Variants in DLG5 observed in about 807,000 individuals in gnomAD.
DLG5 encodes the protein discs large MAGUK scaffold protein 5, also known as disks large homolog 5.
DLG5 carries 48 observed loss-of-function variants against 189.8 expected under a neutral mutation model. The observed-to-expected ratio is 0.25, with a 90% CI of 0.20 to 0.32. The LOEUF (loss-of-function observed/expected upper bound fraction) is 0.32. Among genes scored for constraint, DLG5 ranks in the 10% least tolerant of loss-of-function variants. The probability of loss-of-function intolerance (pLI) is 1.00; values close to 1 mark genes in which losing one functional copy is unlikely to be tolerated. For missense variants in DLG5, 2,160 were observed against 2,544.7 expected, an observed-to-expected ratio of 0.85 and a Z score of 3.25; for synonymous variants, 1,016 against 1,054.1, an observed-to-expected ratio of 0.96 and a Z score of 0.70.
At chr10:77,931,719 C>A (rs1014007057), upstream of DLG5, among the ~76,000 whole-genome samples, 5 of 152,144 alleles carry the variant, frequency 3.3e-5, no homozygotes, top group African/African-American at 4.8e-5. Context: ...TGGCTCCTTT[C>A]TCTCTAAGGT....
intron 8 of DLG5, among the ~76,000 whole-genome samples, chr10:77,835,038 A>T (rs11002308): frequency 0.27 from 41,701 of 151,862 alleles, 6,248 homozygotes; most frequent in Non-Finnish European, 0.34. Context: ...CCAGCCAAGG[A>T]TCAAGCCCAC....
intron 1 of DLG5, among the ~76,000 whole-genome samples, chr10:77,870,404 A>G (rs1844850718): frequency 6.6e-6 from 1 of 152,198 alleles, no homozygotes; most frequent in African/African-American, 2.4e-5. Flanking sequence ...AGCTCCCAGC[A>G]GGGCACGGTG....
chr10:77,869,043 G>A, intron 2 of DLG5, 86 bp downstream of exon 2: 1 of 1,104,456 alleles, frequency 9.1e-7, no homozygotes, highest in South Asian at 1.3e-5. Context: ...GGGAGAACCA[G>A]CTTCCTCTCC....
In DLG5 at chr10:77,792,266, T is replaced by C; in HGVS notation, c.*174A>G. ...CAGAGTGTGTGGGCCTGGGCCTGGA[T>C]CGCACGCAGCCGTGGCCCTCTGTCT... On this transcript the variant is annotated 3_prime_UTR_variant, in exon 32 of 32. Coordinates refer to ENST00000372391, the MANE Select transcript of DLG5 (RefSeq NM_004747.4). The C allele has an allele frequency of 1.5e-6, 1 of 646,100 alleles. No homozygotes were observed. Among genetic ancestry groups the C allele is most frequent in the Non-Finnish European group, 2.7e-6 (1 of 367,180 alleles). The allele number at this position is 646,100 out of a possible 1,614,324, so 40.0% of individuals were successfully genotyped here.
rs780954631 is a variant in DLG5 at position 77,856,883 on chromosome 10, C to G, written c.383G>C (p.Gly128Ala). The G allele has an allele frequency of 6.2e-7, 1 of 1,610,422 alleles. No homozygotes were observed. Among genetic ancestry groups the G allele is most frequent in the South Asian group, 1.1e-5 (1 of 90,674 alleles). The change falls in exon 3 of 32, where the codon GGG (glycine) becomes GCG (alanine). Residue 128 changes from glycine (G) to alanine (A), a missense_variant. This residue lies in a region of DLG5 where 664 missense variants were observed against 838.5 expected (regional missense o/e 0.79). Coordinates refer to ENST00000372391, the MANE Select transcript of DLG5 (RefSeq NM_004747.4). ...GAGGGGTGGTGGGGACGGCGCCTTCCCGGTAGTGCCTGTGGAAGGGGAATA... is the reference window on the plus strand; with the variant it reads ...GAGGGGTGGTGGGGACGGCGCCTTCGCGGTAGTGCCTGTGGAAGGGGAATA... ...SSSLSSVGTT[G>A]KAPSPPPLLT...
chr10:77,891,277 T>C (rs192766394), intron 1 of DLG5, among the ~76,000 whole-genome samples: 96 of 152,342 alleles, frequency 6.3e-4, no homozygotes, highest in Admixed American at 5.7e-3. Flanking sequence ...CTTCGCACTC[T>C]GCTGTTGCCA....
At chr10:77,906,739 C>T (rs61855853) in intron 1 of DLG5, among the ~76,000 whole-genome samples, 1 of 149,864 alleles carries the variant, frequency 6.7e-6, no homozygotes, top group East Asian at 2.0e-4. Context: ...ACTCTCCTAT[C>T]TCAGCCTCCC....
intron 1 of DLG5, among the ~76,000 whole-genome samples, chr10:77,923,734 G>A (rs1349480461): frequency 6.6e-6 from 1 of 152,114 alleles, no homozygotes; most frequent in Non-Finnish European, 1.5e-5. Context: ...CTCCAGCCTG[G>A]GTGACACAGT....
chr10:77,890,197 C>T (rs1310946004), intron 1 of DLG5, among the ~76,000 whole-genome samples: 3 of 152,156 alleles, frequency 2.0e-5, no homozygotes, highest in Non-Finnish European at 2.9e-5. Flanking sequence ...CCAATGAGAA[C>T]GGCAAGCAGC....
intron 1 of DLG5, among the ~76,000 whole-genome samples, chr10:77,876,812 C>G (rs1845113243): frequency 6.7e-6 from 1 of 149,502 alleles, no homozygotes; most frequent in Non-Finnish European, 1.5e-5. Flanking sequence ...CTCAGGTATG[C>G]AGTGAGATCT....
chr10:77,792,335 G>A lies in DLG5; in HGVS notation c.*105C>T, dbSNP rs906868747. ...GGTCCTGGTTCCGGATCCTTCCCCC[G>A]CATGTTCATAGACGGACAGACTTCT... On this transcript the variant is annotated 3_prime_UTR_variant, in exon 32 of 32. Coordinates refer to ENST00000372391, the MANE Select transcript of DLG5 (RefSeq NM_004747.4). The A allele has an allele frequency of 4.6e-5, 53 of 1,156,508 alleles. No homozygotes were observed. Among genetic ancestry groups the A allele is most frequent in the African/African-American group, 4.2e-4 (28 of 65,900 alleles). The allele number at this position is 1,156,508 out of a possible 1,614,324, so 71.6% of individuals were successfully genotyped here.
At chr10:77,936,544 G>A in the DLG5 span, among the ~76,000 whole-genome samples, 80 of 151,378 alleles carry the variant, frequency 5.3e-4, no homozygotes, top group Non-Finnish European at 9.7e-4. Context: ...TGAGATGAGA[G>A]ATTCAAAGCC....
At chr10:77,872,552 A>C (rs1484867421) in intron 1 of DLG5, among the ~76,000 whole-genome samples, 1 of 152,052 alleles carries the variant, frequency 6.6e-6, no homozygotes, top group Non-Finnish European at 1.5e-5. Context: ...ATTGGACAGG[A>C]CCCAGTTTTT....
intron 2 of DLG5, chr10:77,866,931 C>T (rs1392775306): frequency 2.2e-6 from 1 of 455,044 alleles, no homozygotes; most frequent in South Asian, 1.6e-5. Context: ...ACTCAAGAGG[C>T]TTTGCCCAGA....
chr10:77,856,929 T>A, intron 2 of DLG5, 37 bp from the exon 3 acceptor site: 1 of 1,590,418 alleles, frequency 6.3e-7, no homozygotes, highest in Non-Finnish European at 8.6e-7. Context: ...CTTGTGTTCA[T>A]CTGGCATTCA....
At chr10:77,824,930 T>C (rs1294845533) in intron 13 of DLG5, among the ~76,000 whole-genome samples, 1 of 152,228 alleles carries the variant, frequency 6.6e-6, no homozygotes, top group Non-Finnish European at 1.5e-5. Context: ...AGTGGGGCCC[T>C]GTGAGTGTTC....
In DLG5 at chr10:77,812,739, A is replaced by G. The variant is rs539828690; in HGVS notation, c.4026-362T>C. On this transcript the variant is annotated intron_variant, in intron 20 of 31. Coordinates refer to ENST00000372391, the MANE Select transcript of DLG5 (RefSeq NM_004747.4). Reference sequence around the variant, plus strand: ...CTGGGGGGTCTTGAGATGCCCTCCGAGGAAAAGAGATGGCTCCTGGGATGA... The same window carrying G: ...CTGGGGGGTCTTGAGATGCCCTCCGGGGAAAAGAGATGGCTCCTGGGATGA... 3.9e-5 allele frequency among the ~76,000 whole-genome samples: 6 copies of G among 152,370 alleles called. No homozygotes were observed. In the East Asian group the frequency reaches 1.2e-3, roughly 29 times the overall value.
chr10:77,938,287 T>A, the DLG5 span, among the ~76,000 whole-genome samples: 1 of 152,070 alleles, frequency 6.6e-6, no homozygotes, highest in African/African-American at 2.4e-5. Flanking sequence ...CTACAAAAAG[T>A]AAAATGAAAT....
chr10:77,930,520 G>T (rs965983091), upstream of DLG5, among the ~76,000 whole-genome samples: 1 of 150,328 alleles, frequency 6.7e-6, no homozygotes, highest in Admixed American at 6.7e-5. Flanking sequence ...GCTAATTTTT[G>T]TATTTTTAGT....
Sources: gnomAD v4.1 joint callset for allele counts (sites outside exome capture counted in the v4.1 genomes callset) on GRCh38, gnomAD v4.1.1 for gene constraint, gnomAD v4.1.1 regional missense constraint, MANE v1.5 for transcripts, NCBI Gene and HGNC (gene_info 2026-07-23, HGNC 2026-07-21) for gene names.